The following ZNF827 variants were observed in gnomAD, a reference collection of about 807,000 sequenced individuals.
ZNF827 encodes the protein zinc finger protein 827.
A neutral mutation model predicts 102.4 loss-of-function variants in ZNF827; 13 were observed. That is an observed-to-expected ratio of 0.13 (90% CI 0.08 to 0.20). The LOEUF (loss-of-function observed/expected upper bound fraction) is 0.20. Ranked by LOEUF, ZNF827 falls within the 10% of genes least tolerant of loss-of-function variation. The probability of loss-of-function intolerance (pLI) is 1.00; values close to 1 mark genes in which losing one functional copy is unlikely to be tolerated. For missense variants in ZNF827, 1,103 were observed against 1,344.4 expected (o/e 0.82, Z 2.81); for synonymous variants, 523 against 536.2 (o/e 0.98, Z 0.34).
Position 145,915,557 on chromosome 4 carries a change from C to G in ZNF827, c.44-12342G>C, listed in dbSNP as rs1190010950. ...TAATCACCTCTTAAAGGTTCCACCT[C>G]TCAATACTGTTGCATTGAGGATTGA... On this transcript the variant is annotated intron_variant, in intron 1 of 14. Transcript: ENST00000508784. 1.1e-4 allele frequency among the ~76,000 whole-genome samples: 16 copies of G among 152,200 alleles called. No individual in the cohort carries two copies. The East Asian group carries it at 1.9e-3, about 18-fold the overall frequency.
chr4:145,871,698 A>G (rs967609106), intron 4 of ZNF827, among the ~76,000 whole-genome samples: 1 of 152,182 alleles, frequency 6.6e-6, no homozygotes, highest in African/African-American at 2.4e-5. Flanking sequence ...CCCCGAAGCA[A>G]ACATCTATCA....
At chr4:145,775,638 G>A (rs1215322728) in intron 10 of ZNF827, 151 bp downstream of exon 10, 1 of 940,782 alleles carries the variant, frequency 1.1e-6, no homozygotes, top group African/African-American at 1.6e-5. Context: ...GCAACTGCAG[G>A]GCTCAATCTG....
Position 145,765,797 on chromosome 4 carries a change from C to A in ZNF827, c.2861-59G>T. The A allele has an allele frequency of 6.5e-7, 1 of 1,536,634 alleles. No individual in the cohort carries two copies. Among genetic ancestry groups the A allele is most frequent in the Non-Finnish European group, 8.9e-7 (1 of 1,129,198 alleles). The stretch of plus-strand genomic sequence containing the variant: ...GAGATGAAAATCCTCAGAATTATAG[C>A]AACTGAGGGTGACGAGTTGAGTCTC... On this transcript the variant is annotated intron_variant, in intron 11 of 14. Coordinates refer to ENST00000508784, the MANE Select transcript of ZNF827 (RefSeq NM_001306215.2). The surrounding 1 kb of genome is among the most constrained non-coding windows in gnomAD (Gnocchi z 4.7).
At chr4:145,928,493 C>T (rs1319083851) in intron 1 of ZNF827, among the ~76,000 whole-genome samples, 1 of 152,182 alleles carries the variant, frequency 6.6e-6, no homozygotes, top group African/African-American at 2.4e-5. Context: ...ATTCACACCT[C>T]AAGTGTGTTA....
intron 8 of ZNF827, among the ~76,000 whole-genome samples, chr4:145,821,258 G>T (rs1743118658): frequency 6.6e-6 from 1 of 152,116 alleles, no homozygotes; most frequent in South Asian, 2.1e-4. Context: ...GGTGGGTGGG[G>T]TTTTTTGGAT....
chr4:145,841,258 C>G (rs1054909173), intron 7 of ZNF827, among the ~76,000 whole-genome samples: 8 of 152,184 alleles, frequency 5.3e-5, no homozygotes, highest in African/African-American at 1.7e-4. Context: ...GATTCTTACT[C>G]TAGGGTTCCA....
rs529042001 is a variant in ZNF827, at chr4:145,875,193, A to G, written c.1748-4715T>C. Among the ~76,000 whole-genome samples, 13 of 152,376 alleles carry G rather than the reference A, an allele frequency of 8.5e-5. No homozygotes were observed. In the South Asian group the frequency reaches 2.7e-3, roughly 32 times the overall value. ...CTTCTAAAGACCATCATTTGTTTTA[A>G]CAACGTATACAACTAGCTCTTGAGT... On this transcript the variant is annotated intron_variant, in intron 4 of 14. Coordinates refer to ENST00000508784, the MANE Select transcript of ZNF827 (RefSeq NM_001306215.2).
At position 145,902,927 on chromosome 4, in the gene ZNF827, T is replaced by C. The variant is rs1194033497; in HGVS notation, c.332A>G (p.Asp111Gly). The C allele has an allele frequency of 3.7e-6, 6 of 1,613,996 alleles. No individual in the cohort carries two copies. The highest frequency in any genetic ancestry group is 5.1e-6 in the Non-Finnish European group (6 of 1,180,028). The change falls in exon 2 of 15, where the codon GAT becomes GGT. Residue 111 changes from aspartate (D) to glycine (G), a missense_variant. This residue lies in a region of ZNF827 where 441 missense variants were observed against 458.6 expected (regional missense o/e 0.96). Coordinates refer to ENST00000508784, the MANE Select transcript of ZNF827 (RefSeq NM_001306215.2). The surrounding 1 kb of genome is among the most constrained non-coding windows in gnomAD (Gnocchi z 4.3). Reference sequence around the variant, plus strand: ...CAGGGGCTTGTTGGAGCCTGGGTCATCGTCACACAAAGAAGACACTCCCGG... The same window carrying C: ...CAGGGGCTTGTTGGAGCCTGGGTCACCGTCACACAAAGAAGACACTCCCGG... ...LSPGVSSLCDDDPGSNKPLSS... is the reference protein window; with the variant it reads ...LSPGVSSLCDGDPGSNKPLSS...
intron 7 of ZNF827, among the ~76,000 whole-genome samples, chr4:145,827,383 A>G (rs1450810654): frequency 1.3e-5 from 2 of 152,222 alleles, no homozygotes; most frequent in Non-Finnish European, 1.5e-5. Context: ...AGACTTTTCT[A>G]TTGAGAAATA....
intron 8 of ZNF827, among the ~76,000 whole-genome samples, chr4:145,786,651 C>T (rs943957813): frequency 1.3e-5 from 2 of 152,146 alleles, no homozygotes; most frequent in Admixed American, 1.3e-4. Flanking sequence ...AGACTCCAGC[C>T]CTACTGGCTC....
intron 7 of ZNF827, among the ~76,000 whole-genome samples, chr4:145,825,932 A>G (rs1743632291): frequency 6.6e-6 from 1 of 152,238 alleles, no homozygotes; most frequent in South Asian, 2.1e-4. Context: ...GCTGGATACT[A>G]AAAATGCACA....
intron 8 of ZNF827, among the ~76,000 whole-genome samples, chr4:145,782,619 C>T (rs1258610550): frequency 1.3e-5 from 2 of 152,124 alleles, no homozygotes; most frequent in African/African-American, 2.4e-5. Flanking sequence ...GCTATCAGAC[C>T]CCTTCCAACA....
chr4:145,808,961 T>C (rs1389554199), intron 8 of ZNF827, among the ~76,000 whole-genome samples: 8 of 152,054 alleles, frequency 5.3e-5, no homozygotes, highest in Non-Finnish European at 5.9e-5. Context: ...CGACCATACA[T>C]GGCTAATTTT....
At chr4:145,845,819 G>A in intron 7 of ZNF827, 137 bp downstream of exon 7, 1 of 777,082 alleles carries the variant, frequency 1.3e-6, no homozygotes, top group Non-Finnish European at 2.1e-6. Context: ...AAGAAATTCT[G>A]GTAGAACATG....
chr4:145,863,707 A>G (rs1283120278), intron 5 of ZNF827, among the ~76,000 whole-genome samples: 3 of 141,880 alleles, frequency 2.1e-5, no homozygotes, highest in Non-Finnish European at 3.0e-5. Flanking sequence ...CAGTAGATTC[A>G]TGGTTGCCTG....
chr4:145,807,629 G>C (rs1168015374), intron 8 of ZNF827, among the ~76,000 whole-genome samples: 1 of 151,572 alleles, frequency 6.6e-6, no homozygotes, highest in East Asian at 1.9e-4. Context: ...CCACCACCAC[G>C]CCCAGCTAAT....
At chr4:145,904,565 C>T (rs1751677908) in intron 1 of ZNF827, among the ~76,000 whole-genome samples, 1 of 152,198 alleles carries the variant, frequency 6.6e-6, no homozygotes, top group Non-Finnish European at 1.5e-5. Flanking sequence ...TGTGAAGGCC[C>T]TGCTGTGGGA....
chr4:145,887,051 T>A (rs1188196841), intron 3 of ZNF827, among the ~76,000 whole-genome samples: 2 of 152,266 alleles, frequency 1.3e-5, no homozygotes, highest in Non-Finnish European at 2.9e-5. Context: ...TCTCTGCCAA[T>A]GCACTTTAGT....
chr4:145,855,016 TG>T (rs1746924547), intron 5 of ZNF827, among the ~76,000 whole-genome samples: 1 of 152,232 alleles, frequency 6.6e-6, no homozygotes. Context: ...ATGCTATGTT[TG>T]CCCCATACAT....
Sources: gnomAD v4.1 joint callset for allele counts (sites outside exome capture counted in the v4.1 genomes callset) on GRCh38, gnomAD v4.1.1 for gene constraint, gnomAD v4.1.1 regional missense constraint, Gnocchi (gnomAD v3.1) non-coding constraint, MANE v1.5 for transcripts, NCBI Gene and HGNC (gene_info 2026-07-23, HGNC 2026-07-21) for gene names.